GLCE: variants seen among roughly 807,000 people sequenced by gnomAD.
The protein encoded by GLCE is D-glucuronyl C5-epimerase.
A neutral mutation model predicts 47.9 loss-of-function variants in GLCE; 19 were observed. The observed-to-expected ratio is 0.40, with a 90% confidence interval of 0.28 to 0.58. The LOEUF is 0.58. GLCE is among the 20% of genes least tolerant of loss of function. GLCE has a pLI of 0.48. For synonymous variants in GLCE, 245 were observed against 263.4 expected (o/e 0.93, Z 0.68); for missense variants, 556 against 743.3 (o/e 0.75, Z 2.93).
chr15:69,199,995 G>A (rs545452688), intron 1 of GLCE, among the ~76,000 whole-genome samples: 3 of 152,172 alleles, frequency 2.0e-5, no homozygotes, highest in South Asian at 4.1e-4. Context: ...AGAGTAGTAA[G>A]ACAATTTTTT....
At chr15:69,228,861 T>C (rs2052482604) in intron 2 of GLCE, among the ~76,000 whole-genome samples, 1 of 152,156 alleles carries the variant, frequency 6.6e-6, no homozygotes, top group Non-Finnish European at 1.5e-5. Context: ...TAATTTTCTT[T>C]ATTTTTTGTA....
chr15:69,184,851 G>A (rs1430615807), intron 1 of GLCE, among the ~76,000 whole-genome samples: 2 of 152,178 alleles, frequency 1.3e-5, no homozygotes, highest in Non-Finnish European at 2.9e-5. Context: ...CTATAAGGAG[G>A]AAAAATTCTG....
At chr15:69,212,737 A>G (rs1421141983) in intron 2 of GLCE, among the ~76,000 whole-genome samples, 3 of 152,008 alleles carry the variant, frequency 2.0e-5, no homozygotes, top group East Asian at 3.9e-4. Context: ...GCTATTTGCA[A>G]TGTTGAATTT....
At chr15:69,209,119 T>C (rs2052191413) in intron 1 of GLCE, among the ~76,000 whole-genome samples, 1 of 152,072 alleles carries the variant, frequency 6.6e-6, no homozygotes, top group South Asian at 2.1e-4. Flanking sequence ...AAATTTCCAT[T>C]TGGTTCTTCT....
chr15:69,220,591 T>A (rs953961166), intron 2 of GLCE, among the ~76,000 whole-genome samples: 4 of 152,204 alleles, frequency 2.6e-5, no homozygotes, highest in African/African-American at 9.6e-5. Context: ...TTTGGTGAAA[T>A]GTCTATTCAA....
intron 2 of GLCE, among the ~76,000 whole-genome samples, chr15:69,239,217 G>T (rs375845051): frequency 1.3e-5 from 2 of 152,060 alleles, no homozygotes; most frequent in African/African-American, 4.8e-5. Context: ...CTTGAGGAAA[G>T]TCTCATTAGT....
At chr15:69,179,328 A>G (rs2051717341) in intron 1 of GLCE, among the ~76,000 whole-genome samples, 1 of 152,212 alleles carries the variant, frequency 6.6e-6, no homozygotes, top group Non-Finnish European at 1.5e-5. Flanking sequence ...AAGTTGGAAA[A>G]TTCGTGCAGA....
chr15:69,253,158 A>G (rs1347483393), intron 2 of GLCE, among the ~76,000 whole-genome samples: 1 of 152,156 alleles, frequency 6.6e-6, no homozygotes, highest in Non-Finnish European at 1.5e-5. Flanking sequence ...TTTCACCCCT[A>G]CACTTGAATA....
At chr15:69,166,498 A>G (rs1199350798) in intron 1 of GLCE, among the ~76,000 whole-genome samples, 3 of 152,252 alleles carry the variant, frequency 2.0e-5, no homozygotes, top group Non-Finnish European at 4.4e-5. Context: ...CATTTAATCC[A>G]ACTCCTTCCT....
intron 1 of GLCE, among the ~76,000 whole-genome samples, chr15:69,180,312 G>C (rs56733338): frequency 0.12 from 18,520 of 151,934 alleles, 1,188 homozygotes; most frequent in East Asian, 0.16. Context: ...CACTGCTCTA[G>C]GCTCTGTAAG....
chr15:69,263,309 G>A (rs2053039525), intron 4 of GLCE, among the ~76,000 whole-genome samples: 1 of 152,130 alleles, frequency 6.6e-6, no homozygotes, highest in African/African-American at 2.4e-5. Context: ...AGAGGATATA[G>A]ACCTCATGGG....
At chr15:69,223,969 G>A (rs2052411936) in intron 2 of GLCE, among the ~76,000 whole-genome samples, 1 of 152,058 alleles carries the variant, frequency 6.6e-6, no homozygotes, top group South Asian at 2.1e-4. Flanking sequence ...TCATTTTCTT[G>A]ATTCTGTCTG....
intron 1 of GLCE, among the ~76,000 whole-genome samples, chr15:69,202,825 A>G (rs2052094448): frequency 6.6e-6 from 1 of 152,122 alleles, no homozygotes; most frequent in Non-Finnish European, 1.5e-5. Flanking sequence ...TCCATCCCAA[A>G]TCCCTTCTTG....
intron 4 of GLCE, among the ~76,000 whole-genome samples, chr15:69,262,188 A>T (rs1459101274): frequency 6.6e-6 from 1 of 152,178 alleles, no homozygotes; most frequent in Non-Finnish European, 1.5e-5. Flanking sequence ...CACAATACAA[A>T]CCTACTCATT....
At chr15:69,187,094 G>A (rs947816588) in intron 1 of GLCE, among the ~76,000 whole-genome samples, 3 of 152,094 alleles carry the variant, frequency 2.0e-5, no homozygotes, top group African/African-American at 7.2e-5. Flanking sequence ...AATGTTCATG[G>A]TGAGTCTGAG....
intron 1 of GLCE, among the ~76,000 whole-genome samples, chr15:69,187,540 A>G (rs1333713753): frequency 6.6e-6 from 1 of 152,184 alleles, no homozygotes; most frequent in African/African-American, 2.4e-5. Context: ...TTTTACCCTC[A>G]GTGGGCATTT....
At chr15:69,248,482 TTTTTATC>T (rs1371527130) in intron 2 of GLCE, among the ~76,000 whole-genome samples, 1 of 152,198 alleles carries the variant, frequency 6.6e-6, no homozygotes, top group Admixed American at 6.5e-5. Context: ...AAATGTCTGT[TTTTTATC>T]TTTTTAATTA....
chr15:69,161,433 G>A (rs2051419029), intron 1 of GLCE, among the ~76,000 whole-genome samples: 1 of 152,008 alleles, frequency 6.6e-6, no homozygotes, highest in Non-Finnish European at 1.5e-5. Flanking sequence ...ACCAGCGTCT[G>A]GCCGGGGTTT....
intron 2 of GLCE, among the ~76,000 whole-genome samples, chr15:69,239,640 T>TA (rs1390590472): frequency 1.3e-5 from 2 of 152,168 alleles, no homozygotes; most frequent in African/African-American, 4.8e-5. Context: ...AGTGTTCACA[T>TA]ACCTGAAATA....
Sources: allele counts gnomAD v4.1 joint callset (sites outside exome capture counted in the v4.1 genomes callset), GRCh38; gene constraint gnomAD v4.1.1; transcripts MANE v1.5; gene names NCBI Gene and HGNC (gene_info 2026-07-23, HGNC 2026-07-21).